The following TRANK1 variants were observed in gnomAD, a reference collection of about 807,000 sequenced individuals.
TRANK1 encodes TPR and ankyrin repeat-containing protein 1.
In TRANK1, 198 loss-of-function variants were observed where a neutral mutation model predicts 266.0. The observed-to-expected ratio is 0.74, with a 90% CI of 0.66 to 0.84. TRANK1 has a LOEUF of 0.84. Among genes scored for constraint, TRANK1 ranks in the 40% least tolerant of loss-of-function variants. The pLI, the probability that TRANK1 is intolerant of heterozygous loss-of-function variation, is 0.00. For missense variants in TRANK1, 3,326 were observed against 3,634.6 expected (o/e 0.92, Z 2.18); for synonymous variants, 1,396 against 1,384.1 (o/e 1.01, Z -0.19).
At chr3:36,868,059 G>A (rs1201330197) in intron 9 of TRANK1, among the ~76,000 whole-genome samples, 1 of 152,232 alleles carries the variant, frequency 6.6e-6, no homozygotes, top group African/African-American at 2.4e-5. Context: ...ATCCTGTGGA[G>A]GGCTGGCTCC....
intron 1 of TRANK1, among the ~76,000 whole-genome samples, chr3:36,918,471 GAAAGAAA>G (rs2080157136): frequency 9.9e-5 from 1 of 10,122 alleles, no homozygotes; most frequent in Non-Finnish European, 1.9e-4. Context: ...AAGAAAAGAA[GAAAGAAA>G]GAAAGAAAGA....
chr3:36,894,185 A>G (rs1353584992), intron 5 of TRANK1, among the ~76,000 whole-genome samples: 1 of 152,182 alleles, frequency 6.6e-6, no homozygotes, highest in African/African-American at 2.4e-5. Flanking sequence ...GGCTGGGATA[A>G]TAATCTATTA....
At chr3:36,860,743 C>T (rs2079130528) in intron 11 of TRANK1, among the ~76,000 whole-genome samples, 163 bp downstream of exon 11, 1 of 152,220 alleles carries the variant, frequency 6.6e-6, no homozygotes, top group South Asian at 2.1e-4. Context: ...ACTCACAGGG[C>T]AGTAACCTCC....
In TRANK1 at chr3:36,854,309, G is replaced by A. The variant is rs1172396092; in HGVS notation, c.4549+864C>T. Among the ~76,000 whole-genome samples the A allele has an allele frequency of 4.0e-5, 6 of 151,726 alleles. No homozygotes were observed. In the South Asian group the frequency reaches 6.2e-4, roughly 16 times the overall value. The stretch of plus-strand genomic sequence containing the variant: ...CAGGAGGTGGAGGTTGCAGTGAGCC[G>A]AGGTCACGCCACTGCACTCCGGCCT... On this transcript the variant is annotated intron_variant, in intron 13 of 23. Transcript: ENST00000645898.
chr3:36,911,901 C>T lies in TRANK1; in HGVS notation c.24-3447G>A, dbSNP rs145317171. Among the ~76,000 whole-genome samples the T allele has an allele frequency of 5.0e-3, 763 of 152,236 alleles. 6 individuals carry two copies. The highest frequency in any genetic ancestry group is 8.6e-3 in the Non-Finnish European group (586 of 68,004). ...TGTGTCTTTTCATTCTTATAAGAAG[C>T]CTCGGCCAGGCACAGTGGCTCACGC... On this transcript the variant is annotated intron_variant, in intron 1 of 23. Coordinates refer to ENST00000645898, the MANE Select transcript of TRANK1 (RefSeq NM_001329998.2).
rs2078717921 is a variant in TRANK1 at position 36,832,965 on chromosome 3, A to G, written c.6618T>C (p.Cys2206=). 2 of 1,611,376 alleles carry G rather than the reference A, an allele frequency of 1.2e-6. No individual in the cohort carries two copies. The highest frequency in any genetic ancestry group is 1.1e-5 in the South Asian group (1 of 90,754). Residue 2206 remains cysteine (C), a synonymous_variant, in exon 22 of 24, where the codon TGT becomes TGC. Transcript: ENST00000645898. ...IVGLKCEDEN[C]EHFHRPLRRC... is the part of the protein sequence containing the mutation. ...GCCGCAGAGGCCTGTGAAAATGTTC[A>G]CAGTTTTCATCCTCACATTTTAAGC...
chr3:36,879,185 A>C (rs961898799), intron 8 of TRANK1, among the ~76,000 whole-genome samples: 5 of 151,982 alleles, frequency 3.3e-5, no homozygotes, highest in South Asian at 4.1e-4. Flanking sequence ...CTATTTACAT[A>C]TGCATTTTAT....
chr3:36,856,791 G>T lies in TRANK1; in HGVS notation c.2931C>A (p.Ile977=). The change falls in exon 13 of 24, where the codon ATC becomes ATA. Residue 977 remains isoleucine (I), a synonymous_variant. Coordinates refer to ENST00000645898, the MANE Select transcript of TRANK1 (RefSeq NM_001329998.2). ...TGTTAGCTGACACTTGGCCTTTATT[G>T]ATACCTTTCAGCTTCTTCCGCAGGA... ...SCVLRKKLKG[I]NKGQVSANMK... 1 of 1,613,986 alleles carries T rather than the reference G, an allele frequency of 6.2e-7. No individual in the cohort carries two copies.
At chr3:36,907,633 C>T (rs2079991722) in intron 2 of TRANK1, among the ~76,000 whole-genome samples, 1 of 150,420 alleles carries the variant, frequency 6.6e-6, no homozygotes, top group Non-Finnish European at 1.5e-5. Flanking sequence ...CCCGGCTAAT[C>T]TGTTGTATTT....
At chr3:36,916,439 T>C (rs2080125460) in intron 1 of TRANK1, among the ~76,000 whole-genome samples, 1 of 152,204 alleles carries the variant, frequency 6.6e-6, no homozygotes, top group South Asian at 2.1e-4. Flanking sequence ...GGCACATCCC[T>C]GTAATCCCAG....
intron 8 of TRANK1, among the ~76,000 whole-genome samples, chr3:36,879,381 T>G (rs1166141157): frequency 6.6e-6 from 1 of 151,274 alleles, no homozygotes; most frequent in Non-Finnish European, 1.5e-5. Context: ...AGAGCTTTTG[T>G]TTCTTTGTTC....
intron 1 of TRANK1, among the ~76,000 whole-genome samples, chr3:36,940,643 C>T (rs1255499694): frequency 1.3e-5 from 2 of 152,120 alleles, no homozygotes; most frequent in Admixed American, 6.5e-5. Context: ...GGGAAGGATT[C>T]AGGAGCTGGG....
chr3:36,855,286 C>T lies in TRANK1; in HGVS notation c.4436G>A (p.Ser1479Asn), dbSNP rs755222613. Residue 1479 changes from serine to asparagine, a missense_variant, in exon 13 of 24, where the codon AGC (serine) becomes AAC (asparagine). Ser to Asn is a conservative substitution (Grantham distance 46). Coordinates refer to ENST00000645898, the MANE Select transcript of TRANK1 (RefSeq NM_001329998.2). Reference protein sequence around the residue: ...SIMKGVAFRFSDLRSLFHYAS... With the variant: ...SIMKGVAFRFNDLRSLFHYAS... ...ATAATGGAACAGAGAGCGCAGATCGCTGAAGCGGAAGGCCACGCCCTTCAT... is the reference window on the plus strand; with the variant it reads ...ATAATGGAACAGAGAGCGCAGATCGTTGAAGCGGAAGGCCACGCCCTTCAT... The T allele has an allele frequency of 1.9e-6, 3 of 1,614,054 alleles. No homozygotes were observed. Among genetic ancestry groups the T allele is most frequent in the Non-Finnish European group, 2.5e-6 (3 of 1,179,894 alleles).
At chr3:36,902,243 A>G (rs556258103) in intron 3 of TRANK1, among the ~76,000 whole-genome samples, 6 of 152,364 alleles carry the variant, frequency 3.9e-5, no homozygotes, top group Admixed American at 6.5e-5. Context: ...TCATCTTCCA[A>G]TAAGAAGTTT....
At chr3:36,923,556 T>C (rs571261200) in intron 1 of TRANK1, among the ~76,000 whole-genome samples, 18 of 152,240 alleles carry the variant, frequency 1.2e-4, no homozygotes, top group Admixed American at 5.2e-4. Context: ...GCGCCTGGCC[T>C]TGGTAAATTC....
intron 18 of TRANK1, among the ~76,000 whole-genome samples, chr3:36,839,623 T>C (rs2078816888): frequency 6.6e-6 from 1 of 152,248 alleles, no homozygotes; most frequent in African/African-American, 2.4e-5. Context: ...TCATTCATTC[T>C]ACAGGTTTCA....
chr3:36,938,020 C>T (rs915676681), intron 1 of TRANK1, among the ~76,000 whole-genome samples: 2 of 152,148 alleles, frequency 1.3e-5, no homozygotes, highest in Non-Finnish European at 2.9e-5. Context: ...GCTTCCTCCT[C>T]AATCTGAGGG....
Position 36,899,423 on chromosome 3 carries a change from G to A in TRANK1, c.283-164C>T, listed in dbSNP as rs966964760. Among the ~76,000 whole-genome samples, 54 of 152,196 alleles carry A rather than the reference G, an allele frequency of 3.5e-4. 1 individual carries two copies. The highest frequency in any genetic ancestry group is 1.5e-5 in the Non-Finnish European group (1 of 68,034). ...TAATCCTAACATTCCGAGAGATCAAGGCAGGAGGATCGCTTGAGCTCAAGA... is the reference window on the plus strand; with the variant it reads ...TAATCCTAACATTCCGAGAGATCAAAGCAGGAGGATCGCTTGAGCTCAAGA... On this transcript the variant is annotated intron_variant, in intron 3 of 23. Transcript: ENST00000645898.
At chr3:36,902,414 T>C (rs897438025) in intron 3 of TRANK1, among the ~76,000 whole-genome samples, 5 of 152,228 alleles carry the variant, frequency 3.3e-5, no homozygotes, top group African/African-American at 1.2e-4. Context: ...CTATTGAATT[T>C]AAGGCCTCTG....
Sources: gnomAD v4.1 joint callset for allele counts (sites outside exome capture counted in the v4.1 genomes callset) on GRCh38, gnomAD v4.1.1 for gene constraint, MANE v1.5 for transcripts, NCBI Gene and HGNC (gene_info 2026-07-23, HGNC 2026-07-21) for gene names.